The following MGAT4D variants were observed in gnomAD, a reference collection of about 807,000 sequenced individuals.
MGAT4D encodes alpha-1,3-mannosyl-glycoprotein 4-beta-N-acetylglucosaminyltransferase-like protein MGAT4D.
MGAT4D carries 34 observed loss-of-function variants against 15.9 expected under a neutral mutation model. That is an observed-to-expected ratio of 2.14 (90% CI 1.62 to 2.84). The LOEUF is 2.84. MGAT4D is among the 30% of genes most tolerant of loss of function. The probability of loss-of-function intolerance (pLI) is 0.00; values close to 1 mark genes in which losing one functional copy is unlikely to be tolerated. For missense variants in MGAT4D, 327 were observed against 140.2 expected (o/e 2.33, Z -6.73); for synonymous variants, 112 against 48.2 (o/e 2.33, Z -5.49).
At chr4:140,471,744 C>G in intron 5 of MGAT4D, 31 bp downstream of exon 5, 1 of 427,244 alleles carries the variant, frequency 2.3e-6, no homozygotes, top group Non-Finnish European at 4.2e-6. Flanking sequence ...GAAAGAATGG[C>G]TAATGTAAAA....
At chr4:140,472,961 C>T (rs1732066278) in intron 4 of MGAT4D, among the ~76,000 whole-genome samples, 1 of 151,850 alleles carries the variant, frequency 6.6e-6, no homozygotes, top group South Asian at 2.1e-4. Context: ...CATTCAAAGA[C>T]ATCTTTATTA....
intron 1 of MGAT4D, among the ~76,000 whole-genome samples, chr4:140,496,004 A>G (rs2110735970): frequency 6.6e-6 from 1 of 152,292 alleles, no homozygotes; most frequent in South Asian, 2.1e-4. Flanking sequence ...AAGTGTTGGG[A>G]TTACAGGTGT....
intron 4 of MGAT4D, among the ~76,000 whole-genome samples, chr4:140,473,853 C>A (rs1732139130): frequency 1.4e-5 from 2 of 143,932 alleles, no homozygotes; most frequent in Non-Finnish European, 3.1e-5. Flanking sequence ...TGCACACCAT[C>A]ATTTCTAGCT....
At chr4:140,448,911 A>C (rs1431029750) in intron 10 of MGAT4D, among the ~76,000 whole-genome samples, 3 of 152,314 alleles carry the variant, frequency 2.0e-5, no homozygotes, top group Middle Eastern at 6.8e-3. Context: ...GGCTTGGTAG[A>C]TTTAGCAACA....
At position 140,443,382 on chromosome 4, in the gene MGAT4D, G is replaced by C; in HGVS notation, c.*54C>G. 1 of 491,768 alleles carries C rather than the reference G, an allele frequency of 2.0e-6. No individual in the cohort carries two copies. The highest frequency in any genetic ancestry group is 2.7e-5 in the South Asian group (1 of 36,606). The allele number at this position is 491,768 out of a possible 1,614,324, so 30.5% of individuals were successfully genotyped here. On this transcript the variant is annotated 3_prime_UTR_variant, in exon 11 of 11. Coordinates refer to ENST00000511113, the MANE Select transcript of MGAT4D (RefSeq NM_001277353.2). ...CTACAATTTCTGAAACATGCCATTA[G>C]ATATCAAGGTTATCTGAGGTTCCAG...
At chr4:140,486,159 C>T (rs1733113868) in intron 1 of MGAT4D, among the ~76,000 whole-genome samples, 1 of 152,100 alleles carries the variant, frequency 6.6e-6, no homozygotes, top group Admixed American at 6.6e-5. Flanking sequence ...GCCAAACACT[C>T]TCCTACCTTA....
At chr4:140,493,741 A>G (rs1010415733) in intron 1 of MGAT4D, among the ~76,000 whole-genome samples, 3 of 152,100 alleles carry the variant, frequency 2.0e-5, no homozygotes, top group Non-Finnish European at 4.4e-5. Context: ...TTTCCTTTGT[A>G]TGGTCAAACT....
chr4:140,465,558 A>G (rs1208490836), intron 5 of MGAT4D, among the ~76,000 whole-genome samples: 1 of 152,228 alleles, frequency 6.6e-6, no homozygotes, highest in East Asian at 1.9e-4. Flanking sequence ...TACATAAAAT[A>G]TGATCACAAA....
chr4:140,491,988 A>G (rs757265433), intron 1 of MGAT4D, among the ~76,000 whole-genome samples: 3 of 152,158 alleles, frequency 2.0e-5, no homozygotes, highest in Non-Finnish European at 2.9e-5. Flanking sequence ...GTCAGTCATC[A>G]AGAAGTCAAT....
chr4:140,477,588 T>C (rs990851930), intron 3 of MGAT4D, among the ~76,000 whole-genome samples: 1 of 152,256 alleles, frequency 6.6e-6, no homozygotes, highest in Non-Finnish European at 1.5e-5. Flanking sequence ...TTGTCCTATC[T>C]GTTCTCAAAG....
In MGAT4D at chr4:140,474,881, T is replaced by G; in HGVS notation, c.457A>C (p.Thr153Pro). The stretch of plus-strand genomic sequence containing the variant: ...AGCGTCATCCTGGAGACAACAGAGG[T>G]CAGTGTCTGTTTCAGGTAACTATAA... ...GNYSYLKQTL[T>P]SVVSRMTLSQ... is the part of the protein sequence containing the mutation. Residue 153 changes from threonine to proline, a missense_variant, in exon 4 of 11, where the codon ACC becomes CCC. Coordinates refer to ENST00000511113, the MANE Select transcript of MGAT4D (RefSeq NM_001277353.2). The G allele has an allele frequency of 1.4e-6, 1 of 699,182 alleles. No homozygotes were observed. Among genetic ancestry groups the G allele is most frequent in the Non-Finnish European group, 2.6e-6 (1 of 383,590 alleles). 43.3% of individuals were successfully genotyped at this position (699,182 alleles called of 1,614,324 possible). A position where few individuals can be genotyped will look rare whatever the true frequency, so the allele number is the denominator to read the frequency against.
intron 7 of MGAT4D, among the ~76,000 whole-genome samples, chr4:140,459,970 C>T (rs998763754): frequency 7.2e-5 from 11 of 152,020 alleles, no homozygotes; most frequent in Middle Eastern, 3.4e-3. Context: ...TGGGCTCAAG[C>T]GATCCTCCTG....
At chr4:140,449,759 C>CA (rs5862474) in intron 10 of MGAT4D, among the ~76,000 whole-genome samples, 5 of 149,486 alleles carry the variant, frequency 3.3e-5, no homozygotes, top group African/African-American at 1.2e-4. Context: ...GACTCCTTCT[C>CA]AAAAAAAAAA....
intron 4 of MGAT4D, 151 bp downstream of exon 4, chr4:140,474,662 G>A: frequency 2.4e-6 from 1 of 420,850 alleles, no homozygotes; most frequent in Non-Finnish European, 4.2e-6. Flanking sequence ...TATTAAGTAT[G>A]TTGTCTGGTA....
intron 5 of MGAT4D, among the ~76,000 whole-genome samples, chr4:140,471,566 A>G (rs990375466): frequency 2.6e-5 from 4 of 152,204 alleles, no homozygotes; most frequent in African/African-American, 7.2e-5. Context: ...TGAAAAATAT[A>G]AATTCTAATT....
Position 140,459,612 on chromosome 4 carries a change from G to A in MGAT4D, c.777C>T (p.Ile259=). 4.2e-6 allele frequency: 2 copies of A among 470,748 alleles called. No individual in the cohort carries two copies. The highest frequency in any genetic ancestry group is 3.0e-4 in the Middle Eastern group (1 of 3,360). 29.2% of individuals were successfully genotyped at this position (470,748 alleles called of 1,614,324 possible). Residue 259 remains isoleucine, a synonymous_variant, in exon 8 of 11, where the codon ATC becomes ATT. Coordinates refer to ENST00000511113, the MANE Select transcript of MGAT4D (RefSeq NM_001277353.2). The part of the protein sequence containing the change: ...AKYYLQLEDD[I]IAKEMYFTKI... ...TTGTAAAGTACATCTCTTTAGCTAT[G>A]ATATCATCTTCTAGCTGAAAAAAAA...
intron 1 of MGAT4D, among the ~76,000 whole-genome samples, chr4:140,495,167 A>G (rs917397069): frequency 7.2e-5 from 11 of 152,128 alleles, no homozygotes; most frequent in Non-Finnish European, 1.5e-4. Context: ...ATTCCACCGC[A>G]GGGCCTTTGT....
chr4:140,462,769 G>C (rs1450993613), intron 6 of MGAT4D: 1 of 152,138 alleles, frequency 6.6e-6, no homozygotes, highest in Non-Finnish European at 1.5e-5. Flanking sequence ...CAAAAATTTT[G>C]AATGATAACT....
intron 2 of MGAT4D, 113 bp from the exon 3 acceptor site, chr4:140,479,740 A>T (rs1422844208): frequency 6.1e-6 from 2 of 327,556 alleles, no homozygotes; most frequent in Non-Finnish European, 1.1e-5. Flanking sequence ...GGCATTTAAT[A>T]TATAAAAGAA....
Sources: gnomAD v4.1 joint callset for allele counts (sites outside exome capture counted in the v4.1 genomes callset) on GRCh38, gnomAD v4.1.1 for gene constraint, MANE v1.5 for transcripts, NCBI Gene and HGNC (gene_info 2026-07-23, HGNC 2026-07-21) for gene names.